Variants in CADPS observed in about 807,000 individuals in gnomAD.
CADPS encodes calcium dependent secretion activator.
In CADPS, 57 loss-of-function variants were observed where a neutral mutation model predicts 167.3. That is an observed-to-expected ratio of 0.34 (90% CI 0.28 to 0.42). The LOEUF is 0.42. Ranked by LOEUF, CADPS falls within the 20% of genes least tolerant of loss-of-function variation. The pLI is 1.00. For synonymous variants in CADPS, 676 were observed against 635.3 expected, an observed-to-expected ratio of 1.06 and a Z score of -0.96; for missense variants, 1,414 against 1,738.1, an observed-to-expected ratio of 0.81 and a Z score of 3.32.
At chr3:62,627,483 A>G (rs2064314429) in intron 6 of CADPS, among the ~76,000 whole-genome samples, 1 of 152,118 alleles carries the variant, frequency 6.6e-6, no homozygotes, top group Non-Finnish European at 1.5e-5. Flanking sequence ...GTTTACTAAA[A>G]CGGAAATTTC....
intron 1 of CADPS, chr3:62,779,455 T>C: frequency 1.9e-6 from 1 of 530,244 alleles, no homozygotes; most frequent in Non-Finnish European, 3.8e-6. Context: ...TTTGCCTTCA[T>C]GACTTTAAAA....
chr3:62,516,542 T>A (rs1310060423), intron 15 of CADPS, 38 bp downstream of exon 15: 10 of 1,430,634 alleles, frequency 7.0e-6, no homozygotes, highest in East Asian at 2.3e-5. Context: ...TTATGTCTTT[T>A]TATATATATG....
At position 62,417,273 on chromosome 3, in the gene CADPS, ACTCTTT is replaced by A. The variant is rs1342207122; in HGVS notation, c.3778-14094_3778-14089del. ...TTAACACAATAACTATTTTTCTTTT[ACTCTTT>A]TTTTTTTTTTTTTTTTTTTTTTTTT... On this transcript the variant is annotated intron_variant, in intron 28 of 29. Transcript: ENST00000383710. Among the ~76,000 whole-genome samples the A allele has an allele frequency of 5.8e-4, 30 of 51,506 alleles. 3 individuals are homozygous for A. Among genetic ancestry groups the A allele is most frequent in the East Asian group, 4.2e-3 (6 of 1,440 alleles). 33.8% of individuals were successfully genotyped at this position (51,506 alleles called of 152,430 possible). A position where few individuals can be genotyped will look rare whatever the true frequency, so the allele number is the denominator to read the frequency against.
chr3:62,785,091 G>A (rs1414691585), intron 1 of CADPS, among the ~76,000 whole-genome samples: 1 of 152,188 alleles, frequency 6.6e-6, no homozygotes, highest in African/African-American at 2.4e-5. Flanking sequence ...AGCATAGGGA[G>A]CACACATGAA....
chr3:62,530,675 T>G lies in CADPS; in HGVS notation c.2291+2196A>C, dbSNP rs751170575. 69 of 1,288,250 alleles carry G rather than the reference T, an allele frequency of 5.4e-5. 1 individual carries two copies. The South Asian group carries it at 8.4e-4, about 16-fold the overall frequency. The allele number at this position is 1,288,250 out of a possible 1,614,324, so 79.8% of individuals were successfully genotyped here. A position where few individuals can be genotyped will look rare whatever the true frequency, so the allele number is the denominator to read the frequency against. ...TTACCTTTTCAGCTCTTGATTTGCC[T>G]GGGTTTTGGAATCTTTTCTTTTTTT... On this transcript the variant is annotated intron_variant, in intron 13 of 29. Transcript: ENST00000383710.
intron 21 of CADPS, among the ~76,000 whole-genome samples, chr3:62,487,494 A>G (rs944570906): frequency 2.6e-5 from 4 of 152,184 alleles, no homozygotes; most frequent in African/African-American, 9.6e-5. Flanking sequence ...TTTTATTGAC[A>G]ACTTGGGACT....
chr3:62,491,975 T>C (rs1414365105), intron 20 of CADPS, among the ~76,000 whole-genome samples: 1 of 152,168 alleles, frequency 6.6e-6, no homozygotes, highest in Non-Finnish European at 1.5e-5. Flanking sequence ...AAAGCATCTT[T>C]TGATAAAAAT....
chr3:62,658,832 T>C (rs148576347), intron 4 of CADPS, among the ~76,000 whole-genome samples: 10 of 152,294 alleles, frequency 6.6e-5, no homozygotes, highest in Non-Finnish European at 1.3e-4. Flanking sequence ...TTGAACCAAG[T>C]TGGGCCAGTG....
At chr3:62,563,771 T>C (rs2079597048) in intron 9 of CADPS, among the ~76,000 whole-genome samples, 1 of 152,188 alleles carries the variant, frequency 6.6e-6, no homozygotes, top group South Asian at 2.1e-4. Context: ...AGCCCCCACT[T>C]ATGAATGAGA....
At chr3:62,851,823 C>T in intron 1 of CADPS, among the ~76,000 whole-genome samples, 1 of 150,770 alleles carries the variant, frequency 6.6e-6, no homozygotes, top group Non-Finnish European at 1.5e-5. Context: ...CGTTGGCCTG[C>T]CTTGCTAGAT....
At chr3:62,755,102 AC>A (rs2083550854) in intron 2 of CADPS, among the ~76,000 whole-genome samples, 1 of 152,140 alleles carries the variant, frequency 6.6e-6, no homozygotes. Context: ...AAAAACTGAG[AC>A]TTCAGAGAGG....
chr3:62,797,592 C>CT (rs1185589969), intron 1 of CADPS, among the ~76,000 whole-genome samples: 3 of 152,044 alleles, frequency 2.0e-5, no homozygotes, highest in Non-Finnish European at 4.4e-5. Flanking sequence ...CATGTTCTCA[C>CT]TTATAAGTGG....
At chr3:62,406,983 G>A (rs988882666) in intron 28 of CADPS, among the ~76,000 whole-genome samples, 2 of 152,100 alleles carry the variant, frequency 1.3e-5, no homozygotes, top group African/African-American at 2.4e-5. Flanking sequence ...TCAGAGACTC[G>A]GTTTCCTGAT....
chr3:62,449,024 G>T (rs1297914513), intron 26 of CADPS, among the ~76,000 whole-genome samples: 2 of 152,220 alleles, frequency 1.3e-5, no homozygotes, highest in African/African-American at 2.4e-5. Context: ...AAAAAGATGG[G>T]CTAATTGCAA....
intron 28 of CADPS, among the ~76,000 whole-genome samples, chr3:62,422,667 A>G (rs993467033): frequency 2.0e-5 from 3 of 152,328 alleles, no homozygotes; most frequent in South Asian, 2.1e-4. Context: ...GATAATGACC[A>G]CGTAATGATT....
At chr3:62,839,223 C>T (rs1359992677) in intron 1 of CADPS, among the ~76,000 whole-genome samples, 3 of 152,044 alleles carry the variant, frequency 2.0e-5, no homozygotes, top group Non-Finnish European at 4.4e-5. Context: ...GAGACAGAGT[C>T]TTGCTCGGTC....
At chr3:62,592,526 AAACTG>A in intron 7 of CADPS, 106 bp downstream of exon 7, 1 of 786,038 alleles carries the variant, frequency 1.3e-6, no homozygotes, top group Non-Finnish European at 2.2e-6. Flanking sequence ...TTAATGTTCA[AAACTG>A]AGCCTCTCAG....
intron 3 of CADPS, among the ~76,000 whole-genome samples, chr3:62,692,685 G>GTA (rs2079398555): frequency 6.6e-6 from 1 of 151,980 alleles, no homozygotes; most frequent in South Asian, 2.1e-4. Flanking sequence ...TACCTGCCAA[G>GTA]ATGGTAACAA....
At chr3:62,750,461 G>A (rs2082459626) in intron 3 of CADPS, among the ~76,000 whole-genome samples, 1 of 151,834 alleles carries the variant, frequency 6.6e-6, no homozygotes, top group Admixed American at 6.6e-5. Context: ...TATGAAGGTG[G>A]TATGTTAACG....
Sources: allele counts gnomAD v4.1 joint callset (sites outside exome capture counted in the v4.1 genomes callset), GRCh38; gene constraint gnomAD v4.1.1; transcripts MANE v1.5; gene names NCBI Gene and HGNC (gene_info 2026-07-23, HGNC 2026-07-21).